Variants in IGF2R observed in about 807,000 individuals in gnomAD.
IGF2R encodes insulin like growth factor 2 receptor, also known as cation-independent mannose-6-phosphate receptor.
IGF2R carries 91 observed loss-of-function variants against 270.6 expected under a neutral mutation model. The ratio of observed to expected loss-of-function variants is 0.34; its 90% CI spans 0.28 to 0.40. IGF2R has a LOEUF of 0.40. Ranked by LOEUF, IGF2R falls within the 10% of genes least tolerant of loss-of-function variation. The probability of loss-of-function intolerance (pLI) is 1.00; values close to 1 mark genes in which losing one functional copy is unlikely to be tolerated. For synonymous variants in IGF2R, 1,316 were observed against 1,258.9 expected, an observed-to-expected ratio of 1.05 and a Z score of -0.96; for missense variants, 2,805 against 3,188.3, an observed-to-expected ratio of 0.88 and a Z score of 2.90.
At chr6:160,081,544 C>A (rs1201332105) in intron 39 of IGF2R, among the ~76,000 whole-genome samples, 2 of 152,180 alleles carry the variant, frequency 1.3e-5, no homozygotes, top group Admixed American at 1.3e-4. Flanking sequence ...GAGCAGAGAA[C>A]CGGTTTAACT....
chr6:160,072,557 T>A (rs965284953), intron 32 of IGF2R, among the ~76,000 whole-genome samples: 1 of 152,228 alleles, frequency 6.6e-6, no homozygotes, highest in Admixed American at 6.5e-5. Context: ...CACGATCTTT[T>A]CAGCTAAGGA....
chr6:160,022,085 C>A (rs955379124), intron 4 of IGF2R, among the ~76,000 whole-genome samples: 4 of 151,530 alleles, frequency 2.6e-5, no homozygotes, highest in African/African-American at 9.7e-5. Flanking sequence ...GAATGAAATC[C>A]TATGTTTTGG....
chr6:160,083,901 T>C, intron 39 of IGF2R, 49 bp from the exon 40 acceptor site: 1 of 1,271,666 alleles, frequency 7.9e-7, no homozygotes. Flanking sequence ...CCTTTCTGCA[T>C]AGACACAGTG....
At chr6:160,024,459 T>C in intron 4 of IGF2R, 113 bp from the exon 5 acceptor site, 1 of 1,024,630 alleles carries the variant, frequency 9.8e-7, no homozygotes, top group South Asian at 1.5e-5. Context: ...GGGGACACCA[T>C]AGCATGATAG....
chr6:160,102,699 C>G lies in IGF2R; in HGVS notation c.6995+28C>G. 2 of 1,561,124 alleles carry G rather than the reference C, an allele frequency of 1.3e-6. No homozygotes were observed. Among genetic ancestry groups the G allele is most frequent in the African/African-American group, 2.7e-5 (2 of 73,988 alleles). Reference sequence around the variant, plus strand: ...AAGCGGGTGGCAGGGCGAGGTGGGGCGGGTGGATGCATGCCTCCCATAGCT... The same window carrying G: ...AAGCGGGTGGCAGGGCGAGGTGGGGGGGGTGGATGCATGCCTCCCATAGCT... On this transcript the variant is annotated intron_variant, in intron 46 of 47. Transcript: ENST00000356956. This position sits in a 1 kb window ranked among gnomAD's most constrained non-coding sequence, Gnocchi z 4.5.
chr6:159,998,225 A>T lies in IGF2R; in HGVS notation c.289+6902A>T, dbSNP rs75174300. Among the ~76,000 whole-genome samples the T allele has an allele frequency of 0.016, 2,492 of 152,308 alleles. 68 individuals carry two copies. The highest frequency in any genetic ancestry group is 0.095 in the East Asian group (492 of 5,182). ...TAGCTTTCTTCTTGATTTTATTATA[A>T]TACTTCAATATTTTTGGCTAATGAA... is the stretch of plus-strand genomic sequence containing the variant. On this transcript the variant is annotated intron_variant, in intron 2 of 47. Transcript: ENST00000356956. This position sits in a 1 kb window ranked among gnomAD's most constrained non-coding sequence, Gnocchi z 4.1.
At chr6:160,058,670 G>A (rs753915929) in intron 21 of IGF2R, among the ~76,000 whole-genome samples, 1 of 152,036 alleles carries the variant, frequency 6.6e-6, no homozygotes, top group Non-Finnish European at 1.5e-5. Flanking sequence ...TTATAGATAC[G>A]GGGATGTATG....
At chr6:160,089,587 C>T (rs1303436508) in intron 43 of IGF2R, among the ~76,000 whole-genome samples, 1 of 152,244 alleles carries the variant, frequency 6.6e-6, no homozygotes, top group African/African-American at 2.4e-5. Context: ...ATAAGTTTCT[C>T]AGCAGTGTTA....
chr6:160,040,804 T>C (rs779793176), intron 11 of IGF2R, 80 bp downstream of exon 11: 4 of 1,432,236 alleles, frequency 2.8e-6, no homozygotes, highest in Admixed American at 2.0e-5. Context: ...GAAATGCGGT[T>C]ACTATTTTCT....
chr6:160,042,920 A>T (rs911355896), intron 11 of IGF2R, among the ~76,000 whole-genome samples: 1 of 151,968 alleles, frequency 6.6e-6, no homozygotes, highest in Non-Finnish European at 1.5e-5. Context: ...TCTTCTGAAG[A>T]AGTATTGGGA....
At chr6:160,068,035 G>A (rs1469507767) in intron 29 of IGF2R, among the ~76,000 whole-genome samples, 1 of 150,808 alleles carries the variant, frequency 6.6e-6, no homozygotes, top group Non-Finnish European at 1.5e-5. Flanking sequence ...TATGTTCAGG[G>A]AAGTTATGTT....
intron 6 of IGF2R, 142 bp downstream of exon 6, chr6:160,027,456 G>C (rs1276314283): frequency 5.2e-6 from 5 of 964,066 alleles, no homozygotes; most frequent in Non-Finnish European, 7.6e-6. Flanking sequence ...TTGTAAGATT[G>C]TTGGTCATTG....
chr6:160,083,123 G>A lies in IGF2R; in HGVS notation c.5834-827G>A, dbSNP rs374297690. Among the ~76,000 whole-genome samples the A allele has an allele frequency of 2.5e-4, 38 of 152,300 alleles. 1 individual carries two copies. In the South Asian group the frequency reaches 7.7e-3, roughly 31 times the overall value. On this transcript the variant is annotated intron_variant, in intron 39 of 47. Transcript: ENST00000356956. ...TTATTTTCATTATTTTAGCAAAAAA[G>A]GAATGTAGTAGGAGAGCAGGGTGAT...
chr6:160,089,938 A>T lies in IGF2R; in HGVS notation c.6490A>T (p.Met2164Leu), dbSNP rs1440989082. The change falls in exon 44 of 48, where the codon ATG becomes TTG. Residue 2164 changes from methionine to leucine, a missense_variant. By Grantham distance (15) the Met-to-Leu change is conservative. Coordinates refer to ENST00000356956, the MANE Select transcript of IGF2R (RefSeq NM_000876.4). ...YFKLFRASGD[M>L]RTNGDNYLYE... Reference sequence around the variant, plus strand: ...CAGGCTGTTCAGAGCCTCTGGGGACATGAGGACCAATGGGGACAACTACCT... The same window carrying T: ...CAGGCTGTTCAGAGCCTCTGGGGACTTGAGGACCAATGGGGACAACTACCT... 1.0e-5 allele frequency: 16 copies of T among 1,593,042 alleles called. No homozygotes were observed. Among genetic ancestry groups the T allele is most frequent in the Non-Finnish European group, 1.2e-5 (14 of 1,170,444 alleles).
In IGF2R at chr6:160,009,131, C is replaced by G. The variant is rs1367849223; in HGVS notation, c.411C>G (p.Thr137=). ...GCATTGCCTTCCTGTGTGGGAAAAC[C>G]CTGGTGAGTCCACACAGGCACTTGA... ...QSSIAFLCGK[T]LGTPEFVTAT... is the part of the protein sequence containing the mutation. Residue 137 remains threonine (T), a synonymous_variant, in exon 3 of 48, where the codon ACC becomes ACG. Transcript: ENST00000356956. The G allele has an allele frequency of 6.2e-7, 1 of 1,613,402 alleles. No homozygotes were observed. Among genetic ancestry groups the G allele is most frequent in the African/African-American group, 1.3e-5 (1 of 74,928 alleles).
At chr6:160,062,763 C>G (rs1471790868) in intron 26 of IGF2R, 144 bp downstream of exon 26, 2 of 564,612 alleles carry the variant, frequency 3.5e-6, no homozygotes, top group African/African-American at 3.9e-5. Flanking sequence ...ATTTCTTTTC[C>G]TTGAGCTTTT....
At chr6:159,970,523 T>A (rs746714564) in intron 1 of IGF2R, among the ~76,000 whole-genome samples, 100 of 152,152 alleles carry the variant, frequency 6.6e-4, no homozygotes, top group Admixed American at 1.4e-3. Flanking sequence ...CAGAAATTAG[T>A]CTAAGGAGGG....
intron 45 of IGF2R, among the ~76,000 whole-genome samples, chr6:160,101,213 A>G (rs1779478392): frequency 6.6e-6 from 1 of 152,242 alleles, no homozygotes; most frequent in African/African-American, 2.4e-5. Flanking sequence ...CTTCTGAATA[A>G]TCTATGGTCC....
At chr6:160,074,177 C>T (rs1778807618) in intron 35 of IGF2R, 1 of 577,224 alleles carries the variant, frequency 1.7e-6, no homozygotes, top group Non-Finnish European at 3.1e-6. Flanking sequence ...GGTAGCCAGC[C>T]AGTCTTTGAG....
Sources: gnomAD v4.1 joint callset for allele counts (sites outside exome capture counted in the v4.1 genomes callset) on GRCh38, gnomAD v4.1.1 for gene constraint, Gnocchi (gnomAD v3.1) non-coding constraint, MANE v1.5 for transcripts, NCBI Gene and HGNC (gene_info 2026-07-23, HGNC 2026-07-21) for gene names.